Variants in DACH1 observed in about 807,000 individuals in gnomAD.
DACH1 encodes the protein dachshund family transcription factor 1.
A neutral mutation model predicts 54.2 loss-of-function variants in DACH1; 12 were observed. That is an observed-to-expected ratio of 0.22 (90% CI 0.14 to 0.36). The LOEUF (loss-of-function observed/expected upper bound fraction) is 0.36, where lower values mean the gene tolerates loss of function less well. DACH1 is among the 10% of genes least tolerant of loss of function. The pLI, the probability that DACH1 is intolerant of heterozygous loss-of-function variation, is 1.00. For synonymous variants in DACH1, 386 were observed against 366.2 expected, an observed-to-expected ratio of 1.05 and a Z score of -0.62; for missense variants, 805 against 929.8, an observed-to-expected ratio of 0.87 and a Z score of 1.75.
chr13:71,626,528 C>T (rs1348021740), intron 3 of DACH1, among the ~76,000 whole-genome samples: 2 of 151,910 alleles, frequency 1.3e-5, no homozygotes, highest in African/African-American at 4.8e-5. Flanking sequence ...AAAAAAATAG[C>T]AACTTATCTG....
intron 1 of DACH1, among the ~76,000 whole-genome samples, chr13:71,831,897 T>C (rs1413180810): frequency 6.6e-6 from 1 of 151,928 alleles, no homozygotes; most frequent in African/African-American, 2.4e-5. Context: ...AAAACGACCA[T>C]GCTCTCTTTA....
intron 7 of DACH1, among the ~76,000 whole-genome samples, chr13:71,488,678 C>A (rs2138202621): frequency 6.6e-6 from 1 of 151,558 alleles, no homozygotes; most frequent in African/African-American, 2.4e-5. Flanking sequence ...ATCAGACAAA[C>A]TTAAACAGTT....
At chr13:71,798,461 T>G (rs9572792) in intron 1 of DACH1, among the ~76,000 whole-genome samples, 25,763 of 150,796 alleles carry the variant, frequency 0.17, 3,979 homozygotes, top group East Asian at 0.83. Context: ...TTGAGTATTT[T>G]CCATAATTTC....
chr13:71,683,115 A>G (rs1880993610), intron 1 of DACH1, among the ~76,000 whole-genome samples: 1 of 152,154 alleles, frequency 6.6e-6, no homozygotes, highest in African/African-American at 2.4e-5. Flanking sequence ...TGAGCAAATA[A>G]TTATTAAGTA....
chr13:71,728,837 G>T (rs377482147), intron 1 of DACH1, among the ~76,000 whole-genome samples: 3 of 151,978 alleles, frequency 2.0e-5, no homozygotes, highest in South Asian at 4.2e-4. Context: ...AATAGAAAAA[G>T]AATTGACCTA....
intron 1 of DACH1, chr13:71,704,386 T>C: frequency 2.4e-6 from 1 of 424,626 alleles, no homozygotes. Flanking sequence ...TTCCCCAGCA[T>C]GCTGTTGACA....
intron 3 of DACH1, among the ~76,000 whole-genome samples, chr13:71,594,902 G>C (rs1026766829): frequency 6.6e-6 from 1 of 152,100 alleles, no homozygotes; most frequent in East Asian, 1.9e-4. Flanking sequence ...AAAGTCCCAG[G>C]CCTCACAAGG....
intron 6 of DACH1, among the ~76,000 whole-genome samples, chr13:71,548,646 G>A (rs1314094769): frequency 4.6e-5 from 7 of 152,122 alleles, no homozygotes; most frequent in African/African-American, 1.7e-4. Context: ...GGCACTGTGT[G>A]GTGCTCACGC....
At chr13:71,601,516 A>G (rs1874493152) in intron 3 of DACH1, among the ~76,000 whole-genome samples, 1 of 151,986 alleles carries the variant, frequency 6.6e-6, no homozygotes, top group Non-Finnish European at 1.5e-5. Flanking sequence ...TATGCTTCAG[A>G]TATAGAGTGA....
chr13:71,843,027 A>T (rs1241146913), intron 1 of DACH1, among the ~76,000 whole-genome samples: 1 of 152,186 alleles, frequency 6.6e-6, no homozygotes. Context: ...CACTATGAAA[A>T]ATGTGTATGG....
chr13:71,579,773 G>T (rs1416165247), intron 3 of DACH1, among the ~76,000 whole-genome samples: 1 of 151,924 alleles, frequency 6.6e-6, no homozygotes, highest in African/African-American at 2.4e-5. Context: ...AAGATAAAAG[G>T]TAAAATACTA....
chr13:71,580,304 T>A (rs900120938), intron 3 of DACH1, among the ~76,000 whole-genome samples: 1 of 152,198 alleles, frequency 6.6e-6, no homozygotes, highest in Non-Finnish European at 1.5e-5. Context: ...TAACTTTACC[T>A]CACCATACTA....
At chr13:71,619,253 T>C (rs1045618924) in intron 3 of DACH1, among the ~76,000 whole-genome samples, 3 of 151,946 alleles carry the variant, frequency 2.0e-5, no homozygotes, top group African/African-American at 7.2e-5. Context: ...TTAAAATTCC[T>C]CATGTATGTG....
At chr13:71,760,447 G>A (rs561371863) in intron 1 of DACH1, among the ~76,000 whole-genome samples, 35 of 152,066 alleles carry the variant, frequency 2.3e-4, no homozygotes, top group Non-Finnish European at 4.6e-4. Context: ...TTCAAACAAG[G>A]GGGACCTATT....
intron 1 of DACH1, among the ~76,000 whole-genome samples, chr13:71,809,012 T>C (rs371493933): frequency 9.2e-4 from 140 of 152,336 alleles, no homozygotes; most frequent in African/African-American, 3.3e-3. Context: ...TGAAGGATTC[T>C]CTAAAGCATA....
intron 1 of DACH1, among the ~76,000 whole-genome samples, chr13:71,766,466 A>G (rs1308817046): frequency 2.0e-5 from 3 of 152,186 alleles, no homozygotes; most frequent in African/African-American, 7.2e-5. Context: ...TAAATTATAT[A>G]TAGTTGTACC....
chr13:71,668,934 A>C (rs1054879141), intron 2 of DACH1, among the ~76,000 whole-genome samples: 1 of 152,156 alleles, frequency 6.6e-6, no homozygotes, highest in Non-Finnish European at 1.5e-5. Context: ...TCAAATAAAA[A>C]ACAAAAAAAG....
intron 3 of DACH1, among the ~76,000 whole-genome samples, chr13:71,599,726 C>G (rs1224810279): frequency 6.6e-6 from 1 of 152,014 alleles, no homozygotes; most frequent in Non-Finnish European, 1.5e-5. Flanking sequence ...CAATAACCCT[C>G]TCATTGATTT....
intron 3 of DACH1, among the ~76,000 whole-genome samples, chr13:71,588,666 T>TA (rs1314879704): frequency 6.6e-6 from 1 of 151,982 alleles, no homozygotes; most frequent in Admixed American, 6.6e-5. Flanking sequence ...CAATTTTTTG[T>TA]AAAAAACAAC....
Sources: allele counts gnomAD v4.1 joint callset (sites outside exome capture counted in the v4.1 genomes callset), GRCh38; gene constraint gnomAD v4.1.1; transcripts MANE v1.5; gene names NCBI Gene and HGNC (gene_info 2026-07-23, HGNC 2026-07-21).